Variants in DIAPH2 observed in about 807,000 individuals in gnomAD.
The protein encoded by DIAPH2 is diaphanous related formin 2, also known as protein diaphanous homolog 2.
Under a neutral mutation model 92.7 loss-of-function variants are expected in DIAPH2, and 35 were observed. The ratio of observed to expected loss-of-function variants is 0.38; its 90% CI spans 0.29 to 0.50. The LOEUF (loss-of-function observed/expected upper bound fraction) is 0.50. Ranked by LOEUF, DIAPH2 falls within the 20% of genes least tolerant of loss-of-function variation. The probability of loss-of-function intolerance (pLI) is 0.94; values close to 1 mark genes in which losing one functional copy is unlikely to be tolerated. For synonymous variants in DIAPH2, 301 were observed against 280.4 expected, an observed-to-expected ratio of 1.07 and a Z score of -0.73; for missense variants, 701 against 819.5, an observed-to-expected ratio of 0.86 and a Z score of 1.77.
intron 1 of DIAPH2, among the ~76,000 whole-genome samples, chrX:96,713,249 A>G (rs1258503556): frequency 8.9e-6 from 1 of 111,783 alleles, no homozygotes; most frequent in Non-Finnish European, 1.9e-5. Flanking sequence ...GAGGTTTTGC[A>G]ATCAGTGATC....
chrX:97,441,373 G>A (rs2070256448), intron 26 of DIAPH2, among the ~76,000 whole-genome samples: 1 of 110,546 alleles, frequency 9.0e-6, no homozygotes, highest in Non-Finnish European at 1.9e-5. Context: ...AAGTCAGATT[G>A]CATTGAGTTC....
Position 97,293,501 on chromosome X carries a change from T to TGCC in DIAPH2, c.2844+45662_2844+45663insGCC, listed in dbSNP as rs1327102530. Among the ~76,000 whole-genome samples, 4 of 111,174 alleles carry TGCC rather than the reference T, an allele frequency of 3.6e-5. No individual in the cohort carries two copies. In the Admixed American group the frequency reaches 3.9e-4, roughly 11 times the overall value. On this transcript the variant is annotated intron_variant, in intron 23 of 26. Transcript: ENST00000324765. ...CTCCTGACCTCGTAATCTGCCCACC[T>TGCC]TGGCCTCCCAAAGTGTTGGGATTAC...
intron 26 of DIAPH2, among the ~76,000 whole-genome samples, chrX:97,434,877 G>A (rs1167965190): frequency 8.9e-6 from 1 of 111,811 alleles, no homozygotes; most frequent in Non-Finnish European, 1.9e-5. Flanking sequence ...ATGAATTCTT[G>A]AGTGTTCTGG....
At chrX:97,545,070 T>C (rs2071169737) in intron 26 of DIAPH2, among the ~76,000 whole-genome samples, 1 of 110,536 alleles carries the variant, frequency 9.0e-6, no homozygotes, top group Non-Finnish European at 1.9e-5. Context: ...CCTACTCCTC[T>C]CATCTACCCT....
intron 17 of DIAPH2, among the ~76,000 whole-genome samples, chrX:96,997,082 T>C (rs763307767): frequency 6.3e-5 from 7 of 111,845 alleles, no homozygotes; most frequent in Non-Finnish European, 9.4e-5. Flanking sequence ...AAGGAGATGG[T>C]TATAAACACA....
intron 3 of DIAPH2, among the ~76,000 whole-genome samples, chrX:96,741,025 C>T (rs942615521): frequency 2.7e-5 from 3 of 109,813 alleles, no homozygotes; most frequent in Admixed American, 2.0e-4. Context: ...AGGCTCCCCC[C>T]ACCACATTTA....
chrX:97,317,838 AT>A (rs1169962871), intron 23 of DIAPH2, among the ~76,000 whole-genome samples: 1 of 111,528 alleles, frequency 9.0e-6, no homozygotes, highest in African/African-American at 3.3e-5. Context: ...TTTTTAAATT[AT>A]TTTTCAATTG....
At chrX:97,375,852 C>T (rs756434519) in intron 24 of DIAPH2, among the ~76,000 whole-genome samples, 1 of 111,482 alleles carries the variant, frequency 9.0e-6, no homozygotes, top group African/African-American at 3.3e-5. Flanking sequence ...AGCTAACAGC[C>T]TCCTATCAGT....
intron 17 of DIAPH2, among the ~76,000 whole-genome samples, chrX:97,054,793 A>G (rs1352510512): frequency 1.8e-5 from 2 of 111,061 alleles, no homozygotes; most frequent in Admixed American, 1.9e-4. Context: ...AAATAAGGAT[A>G]AGTAATAATA....
At chrX:96,720,790 G>T (rs141517355) in intron 1 of DIAPH2, among the ~76,000 whole-genome samples, 1 of 111,360 alleles carries the variant, frequency 9.0e-6, no homozygotes, top group Non-Finnish European at 1.9e-5. Context: ...CAAACCACTC[G>T]GTTATAAATG....
intron 25 of DIAPH2, among the ~76,000 whole-genome samples, chrX:97,407,021 G>A (rs1335445863): frequency 3.6e-5 from 4 of 111,363 alleles, no homozygotes; most frequent in Non-Finnish European, 1.9e-5. Context: ...ACTGTTACAC[G>A]AACAAGCAAA....
At chrX:96,800,643 T>C (rs1358223371) in intron 4 of DIAPH2, among the ~76,000 whole-genome samples, 2 of 112,157 alleles carry the variant, frequency 1.8e-5, no homozygotes, top group Non-Finnish European at 3.8e-5. Context: ...TCTTAATCTT[T>C]CTCTACCTCT....
chrX:96,783,535 A>G lies in DIAPH2; in HGVS notation c.447+25277A>G, dbSNP rs779678703. On this transcript the variant is annotated intron_variant, in intron 4 of 26. Coordinates refer to ENST00000324765, the MANE Select transcript of DIAPH2 (RefSeq NM_006729.5). The stretch of plus-strand genomic sequence containing the variant: ...TAGTGACCAAGCTAGTTGGATGGAG[A>G]TAAATGTAATGAAGACATATGTAGA... Among the ~76,000 whole-genome samples, 6 of 112,393 alleles carry G rather than the reference A, an allele frequency of 5.3e-5. No homozygotes were observed. The East Asian group carries it at 1.7e-3, about 32-fold the overall frequency.
intron 24 of DIAPH2, among the ~76,000 whole-genome samples, chrX:97,377,564 A>G (rs1259536498): frequency 3.6e-5 from 4 of 111,999 alleles, no homozygotes; most frequent in East Asian, 2.8e-4. Context: ...ACTATATTTC[A>G]CAGATTCAGA....
In DIAPH2 at chrX:97,175,236, T is replaced by C. The variant is rs142503848; in HGVS notation, c.2719+33442T>C. On this transcript the variant is annotated intron_variant, in intron 22 of 26. Transcript: ENST00000324765. The stretch of plus-strand genomic sequence containing the variant: ...AGCGTTATGGTCTCAGAAGGAACCA[T>C]TGAAGAAAATAATCATTAACATTTT... Among the ~76,000 whole-genome samples the C allele has an allele frequency of 2.3e-3, 253 of 111,682 alleles. 1 individual carries two copies. The highest frequency in any genetic ancestry group is 7.9e-3 in the African/African-American group (242 of 30,809).
chrX:96,962,257 C>CT (rs1294698271), intron 16 of DIAPH2, among the ~76,000 whole-genome samples: 1 of 85,234 alleles, frequency 1.2e-5, no homozygotes, highest in Admixed American at 1.4e-4. Flanking sequence ...AAAGTGATGC[C>CT]TTTCTATATA....
intron 22 of DIAPH2, among the ~76,000 whole-genome samples, chrX:97,165,475 G>A (rs1255715445): frequency 9.0e-6 from 1 of 111,132 alleles, no homozygotes; most frequent in Non-Finnish European, 1.9e-5. Context: ...ATGCAATTCT[G>A]TATTTTGGAG....
Position 96,955,736 on chromosome X carries a change from C to T in DIAPH2, c.1615-2092C>T, listed in dbSNP as rs186764884. ...GGGCAGTCATTAAACCTCAGAGTTC[C>T]GAAATGATCTCCTTTGACTCCATGT... On this transcript the variant is annotated intron_variant, in intron 15 of 26. Transcript: ENST00000324765. Among the ~76,000 whole-genome samples, 81 of 112,440 alleles carry T rather than the reference C, an allele frequency of 7.2e-4. 1 individual carries two copies. In the East Asian group the frequency reaches 0.021, roughly 29 times the overall value.
In DIAPH2 at chrX:96,863,241, CTTTTTT is replaced by C. The variant is rs72109103; in HGVS notation, c.448-18326_448-18321del. On this transcript the variant is annotated intron_variant, in intron 4 of 26. Coordinates refer to ENST00000324765, the MANE Select transcript of DIAPH2 (RefSeq NM_006729.5). ...TCCTTTCTTTGTGTTCTCATTATTC[CTTTTTT>C]TTTTTTTTTTTGGTTCTACATTTTT... Among the ~76,000 whole-genome samples the C allele has an allele frequency of 1.8e-3, 151 of 86,080 alleles. 2 individuals carry two copies. Among genetic ancestry groups the C allele is most frequent in the African/African-American group, 6.1e-3 (143 of 23,446 alleles). The allele number at this position is 86,080 out of a possible 115,157, so 74.8% of individuals were successfully genotyped here. A position where few individuals can be genotyped will look rare whatever the true frequency, so the allele number is the denominator to read the frequency against.
Sources: gnomAD v4.1 joint callset for allele counts (sites outside exome capture counted in the v4.1 genomes callset) on GRCh38, gnomAD v4.1.1 for gene constraint, MANE v1.5 for transcripts, NCBI Gene and HGNC (gene_info 2026-07-23, HGNC 2026-07-21) for gene names.